UHRF1: variants seen among roughly 807,000 people sequenced by gnomAD.
The protein encoded by UHRF1 is E3 ubiquitin-protein ligase UHRF1.
UHRF1 carries 9 observed loss-of-function variants against 96.5 expected under a neutral mutation model. The ratio of observed to expected loss-of-function variants is 0.09; its 90% CI spans 0.06 to 0.16. The LOEUF is 0.16. UHRF1 is among the 10% of genes least tolerant of loss of function. UHRF1 has a pLI of 1.00. For missense variants in UHRF1, 626 were observed against 1,131.1 expected (o/e 0.55, Z 6.40); for synonymous variants, 455 against 469.9 (o/e 0.97, Z 0.41).
chr19:4,910,866 CT>C lies in UHRF1; in HGVS notation c.-10-9del. 6.3e-7 allele frequency: 1 copy of C among 1,594,378 alleles called. No individual in the cohort carries two copies. The highest frequency in any genetic ancestry group is 8.6e-7 in the Non-Finnish European group (1 of 1,168,044). ...AAACTGATGGGGGTTTTTGCTGTCC[CT>C]CCCCTCAGCGCCGACACCATGTGGA... On this transcript the variant is annotated splice_polypyrimidine_tract_variant and intron_variant, in intron 1 of 16. Coordinates refer to ENST00000650932, the MANE Select transcript of UHRF1 (RefSeq NM_001048201.3).
chr19:4,918,061 A>G (rs1037701130), intron 2 of UHRF1, among the ~76,000 whole-genome samples: 2 of 152,032 alleles, frequency 1.3e-5, no homozygotes, highest in South Asian at 4.1e-4. Context: ...CCCTGTAGTA[A>G]CCTGTCTGCT....
At position 4,956,756 on chromosome 19, in the gene UHRF1, C is replaced by T. The variant is rs950128594; in HGVS notation, c.2178C>T (p.Cys726=). The change falls in exon 16 of 17, where the codon TGC becomes TGT. Residue 726 remains cysteine (C), a synonymous_variant. Coordinates refer to ENST00000650932, the MANE Select transcript of UHRF1 (RefSeq NM_001048201.3). ...TGGAGGAGACGTTCCAGTGTATCTG[C>T]TGTCAGGAGCTGGTGTTCCGGCCCA... ...SKVEETFQCI[C]CQELVFRPIT... is the part of the protein sequence containing the mutation. 12 of 1,612,394 alleles carry T rather than the reference C, an allele frequency of 7.4e-6. No individual in the cohort carries two copies. The highest frequency in any genetic ancestry group is 1.7e-6 in the Non-Finnish European group (2 of 1,179,298).
intron 13 of UHRF1, among the ~76,000 whole-genome samples, chr19:4,952,917 T>C (rs2033757160): frequency 1.3e-5 from 2 of 152,194 alleles, no homozygotes; most frequent in South Asian, 4.1e-4. Flanking sequence ...GAAACAGTCA[T>C]GCTCATTCAC....
At chr19:4,918,089 A>G (rs1243259970) in intron 2 of UHRF1, among the ~76,000 whole-genome samples, 6 of 151,788 alleles carry the variant, frequency 4.0e-5, no homozygotes. Flanking sequence ...GTGCTTGAAC[A>G]TGTGTGCGTT....
intron 1 of UHRF1, 54 bp downstream of exon 1, chr19:4,909,709 G>C (rs2032173573): frequency 2.0e-6 from 1 of 503,176 alleles, no homozygotes; most frequent in African/African-American, 2.1e-5. Context: ...CACGGGGCTC[G>C]GGAACTTTGC....
upstream of UHRF1, among the ~76,000 whole-genome samples, chr19:4,907,704 CTTTTTTT>C (rs59867968): frequency 4.0e-4 from 19 of 47,672 alleles, no homozygotes; most frequent in Admixed American, 1.3e-3. Flanking sequence ...TTGGCCTGAT[CTTTTTTT>C]TTTTTTTTTT....
Position 4,932,836 on chromosome 19 carries a change from T to C in UHRF1, c.665T>C (p.Val222Ala). 6.2e-7 allele frequency: 1 copy of C among 1,613,674 alleles called. No individual in the cohort carries two copies. Among genetic ancestry groups the C allele is most frequent in the African/African-American group, 1.3e-5 (1 of 75,014 alleles). The change falls in exon 5 of 17, where the codon GTG becomes GCG. Residue 222 changes from valine to alanine, a missense_variant. Physicochemically the swap from Val to Ala is moderately conservative, Grantham distance 64. Transcript: ENST00000650932. ...IKWQDLEVGQ[V>A]VMLNYNPDNP... Reference sequence around the variant, plus strand: ...TGGCAGGACCTGGAGGTGGGCCAGGTGGTCATGCTCAACTACAACCCCGAC... The same window carrying C: ...TGGCAGGACCTGGAGGTGGGCCAGGCGGTCATGCTCAACTACAACCCCGAC...
In UHRF1 at chr19:4,954,631, G is replaced by C. The variant is rs1272596223; in HGVS notation, c.1958-19G>C. The stretch of plus-strand genomic sequence containing the variant: ...CTCGGGCCACGCGCCCCTCCCTCAC[G>C]CGCCCCACCCTCTTCCAGGAGGTGG... On this transcript the variant is annotated intron_variant, in intron 14 of 16. Transcript: ENST00000650932. This position sits in a 1 kb window ranked among gnomAD's most constrained non-coding sequence, Gnocchi z 5.9. 1.2e-6 allele frequency: 2 copies of C among 1,609,672 alleles called. No individual in the cohort carries two copies. Among genetic ancestry groups the C allele is most frequent in the Non-Finnish European group, 8.5e-7 (1 of 1,177,976 alleles).
At chr19:4,956,362 G>GC (rs774065586) in intron 15 of UHRF1, among the ~76,000 whole-genome samples, 136 of 152,328 alleles carry the variant, frequency 8.9e-4, no homozygotes, top group Non-Finnish European at 6.0e-4. Flanking sequence ...GCCGCTCCCA[G>GC]CCAGGAACCT....
upstream of UHRF1, among the ~76,000 whole-genome samples, chr19:4,906,419 C>G (rs2032065611): frequency 6.6e-6 from 1 of 152,198 alleles, no homozygotes; most frequent in Non-Finnish European, 1.5e-5. Flanking sequence ...CTTCCATTAT[C>G]CAAGGTGCTT....
intron 15 of UHRF1, among the ~76,000 whole-genome samples, chr19:4,955,623 G>T (rs770710902): frequency 2.0e-5 from 3 of 151,974 alleles, no homozygotes; most frequent in Non-Finnish European, 2.9e-5. Flanking sequence ...TTCTTCCCAG[G>T]GCTTTCTCCC....
intron 3 of UHRF1, among the ~76,000 whole-genome samples, chr19:4,929,966 A>G (rs1399208149): frequency 1.3e-5 from 2 of 151,768 alleles, no homozygotes; most frequent in East Asian, 3.9e-4. Context: ...ACGCCCAGCT[A>G]ATTTTATTTT....
At chr19:4,939,842 G>A (rs2033332447) in intron 5 of UHRF1, among the ~76,000 whole-genome samples, 1 of 152,110 alleles carries the variant, frequency 6.6e-6, no homozygotes, top group African/African-American at 2.4e-5. Context: ...GGCAAACACG[G>A]TGAAACCCCG....
chr19:4,931,299 G>A (rs1053565174), intron 4 of UHRF1, among the ~76,000 whole-genome samples: 5 of 152,140 alleles, frequency 3.3e-5, no homozygotes, highest in Non-Finnish European at 5.9e-5. Context: ...TGCTGCCATC[G>A]TGAGATTTCA....
chr19:4,926,497 CT>C (rs2032875298), intron 2 of UHRF1, among the ~76,000 whole-genome samples: 1 of 152,124 alleles, frequency 6.6e-6, no homozygotes, highest in Non-Finnish European at 1.5e-5. Context: ...ACCCTTGTAG[CT>C]GTAGGTGGGT....
At position 4,941,867 on chromosome 19, in the gene UHRF1, G is replaced by A; in HGVS notation, c.1009G>A (p.Asp337Asn). The A allele has an allele frequency of 2.6e-6, 4 of 1,556,796 alleles. No individual in the cohort carries two copies. Among genetic ancestry groups the A allele is most frequent in the South Asian group, 2.4e-5 (2 of 83,180 alleles). The part of the protein sequence containing the change: ...PDKQLMCDEC[D>N]MAFHIYCLDP... ...CAAGCAGCTCATGTGCGATGAGTGC[G>A]ACATGGCCTTCCACATCTACTGCCT... Residue 337 changes from aspartate to asparagine, a missense_variant, in exon 7 of 17, where the codon GAC becomes AAC. Around this residue, in one of 11 missense-constraint regions of UHRF1, gnomAD observed 69 missense variants for 159.8 expected, o/e 0.43. Transcript: ENST00000650932.
chr19:4,940,255 C>T (rs902494345), intron 5 of UHRF1, among the ~76,000 whole-genome samples: 2 of 150,784 alleles, frequency 1.3e-5, no homozygotes, highest in Non-Finnish European at 2.9e-5. Flanking sequence ...TTCCCTCGGA[C>T]GTTGCTGATG....
chr19:4,905,113 T>C (rs1156478166), upstream of UHRF1, among the ~76,000 whole-genome samples: 19 of 134,270 alleles, frequency 1.4e-4, no homozygotes, highest in South Asian at 2.6e-4. Context: ...ACTTTCTTTT[T>C]TTTTTTTTTT....
At chr19:4,911,976 G>A (rs886211194) in intron 2 of UHRF1, among the ~76,000 whole-genome samples, 1 of 152,184 alleles carries the variant, frequency 6.6e-6, no homozygotes, top group African/African-American at 2.4e-5. Flanking sequence ...TGGTGTCTAG[G>A]TTGGAAAATA....
Sources: allele counts gnomAD v4.1 joint callset (sites outside exome capture counted in the v4.1 genomes callset), GRCh38; gene constraint gnomAD v4.1.1; regional missense constraint gnomAD v4.1.1; non-coding constraint Gnocchi (gnomAD v3.1); transcripts MANE v1.5; gene names NCBI Gene and HGNC (gene_info 2026-07-23, HGNC 2026-07-21).